The following SOBP variants were observed in gnomAD, a reference collection of about 807,000 sequenced individuals.
SOBP encodes the protein sine oculis binding protein homolog.
A neutral mutation model predicts 53.6 loss-of-function variants in SOBP; 4 were observed. That is an observed-to-expected ratio of 0.07 (90% CI 0.04 to 0.17). SOBP has a LOEUF of 0.17. Ranked by LOEUF, SOBP falls within the 10% of genes least tolerant of loss-of-function variation. The pLI, the probability that SOBP is intolerant of heterozygous loss-of-function variation, is 1.00. For missense variants in SOBP, 1,088 were observed against 1,204.7 expected (o/e 0.90, Z 1.43); for synonymous variants, 584 against 522.6 (o/e 1.12, Z -1.60).
At chr6:107,622,653 A>G (rs895770285) in intron 5 of SOBP, among the ~76,000 whole-genome samples, 4 of 152,186 alleles carry the variant, frequency 2.6e-5, no homozygotes, top group Non-Finnish European at 5.9e-5. Flanking sequence ...AACACAGAGA[A>G]CTAAAATATA....
chr6:107,660,946 A>G lies in SOBP; in HGVS notation c.*2743A>G, dbSNP rs55874191. 4.1e-3 allele frequency among the ~76,000 whole-genome samples: 627 copies of G among 152,220 alleles called. 5 individuals are homozygous for G. Among genetic ancestry groups the G allele is most frequent in the African/African-American group, 0.014 (582 of 41,528 alleles). On this transcript the variant is annotated 3_prime_UTR_variant, in exon 7 of 7. Transcript: ENST00000317357. ...GAATCTTGGAGGCTTCCTGGTGCAG[A>G]GTTATATTTATGGCGGTGACTCCGT...
chr6:107,544,523 T>G (rs1377921974), intron 4 of SOBP, among the ~76,000 whole-genome samples: 1 of 152,192 alleles, frequency 6.6e-6, no homozygotes, highest in Non-Finnish European at 1.5e-5. Flanking sequence ...AGAACCTTTA[T>G]CAGGGTGAGT....
intron 3 of SOBP, chr6:107,510,787 A>G (rs1011462973): frequency 6.6e-6 from 1 of 152,208 alleles, no homozygotes; most frequent in East Asian, 1.9e-4. Flanking sequence ...AAACAAATAA[A>G]GGGTACAGTG....
chr6:107,503,192 C>T (rs74990684), intron 1 of SOBP, among the ~76,000 whole-genome samples: 3,732 of 152,212 alleles, frequency 0.025, 156 homozygotes, highest in African/African-American at 0.082. Context: ...TGGCGTTATC[C>T]GCGATAAGAG....
chr6:107,524,279 G>A (rs1394622518), intron 3 of SOBP, among the ~76,000 whole-genome samples: 1 of 152,166 alleles, frequency 6.6e-6, no homozygotes, highest in Non-Finnish European at 1.5e-5. Flanking sequence ...CGCTTATCAC[G>A]TTCATTTGTG....
chr6:107,615,385 G>A (rs944636703), intron 5 of SOBP, among the ~76,000 whole-genome samples: 9 of 152,138 alleles, frequency 5.9e-5, no homozygotes, highest in South Asian at 2.1e-4. Context: ...ATTTTCTAGG[G>A]ATTATTACTC....
At position 107,622,147 on chromosome 6, in the gene SOBP, T is replaced by A. The variant is rs1770207567; in HGVS notation, c.670-11367T>A. On this transcript the variant is annotated intron_variant, in intron 5 of 6. Coordinates refer to ENST00000317357, the MANE Select transcript of SOBP (RefSeq NM_018013.4). ...TATTTATGCAGCACTTTTTATTTTT[T>A]AGAATGCTTCCATTTGCACTATTTG... Among the ~76,000 whole-genome samples, 2 of 152,236 alleles carry A rather than the reference T, an allele frequency of 1.3e-5. 1 individual carries two copies. Among genetic ancestry groups the A allele is most frequent in the South Asian group, 4.1e-4 (2 of 4,822 alleles).
At chr6:107,529,025 C>T (rs1262514119) in intron 3 of SOBP, among the ~76,000 whole-genome samples, 2 of 152,126 alleles carry the variant, frequency 1.3e-5, no homozygotes, top group African/African-American at 4.8e-5. Context: ...GTGCATTGTG[C>T]GGGCACCTGC....
Position 107,659,729 on chromosome 6 carries a change from A to T in SOBP, c.*1526A>T, listed in dbSNP as rs1227257714. ...AGCCTTGAAGCACCACGGCCCAAGG[A>T]TGCGGTGTACATACTGTATTTCTAG... On this transcript the variant is annotated 3_prime_UTR_variant, in exon 7 of 7. Transcript: ENST00000317357. The T allele has an allele frequency of 6.5e-6, 1 of 152,726 alleles. No homozygotes were observed. Among genetic ancestry groups the T allele is most frequent in the Non-Finnish European group, 1.5e-5 (1 of 68,090 alleles). The allele number at this position is 152,726 out of a possible 1,614,324, so 9.5% of individuals were successfully genotyped here.
At chr6:107,527,110 C>T (rs908191419) in intron 3 of SOBP, among the ~76,000 whole-genome samples, 3 of 152,092 alleles carry the variant, frequency 2.0e-5, no homozygotes, top group Non-Finnish European at 4.4e-5. Context: ...GTTCAGTTAC[C>T]AAAGTGGCAG....
intron 3 of SOBP, among the ~76,000 whole-genome samples, chr6:107,527,493 C>T (rs1481988867): frequency 6.6e-6 from 1 of 152,160 alleles, no homozygotes; most frequent in African/African-American, 2.4e-5. Flanking sequence ...CACTGGGCCT[C>T]TCCAGATTGC....
At chr6:107,601,734 T>C (rs1315616821) in intron 5 of SOBP, among the ~76,000 whole-genome samples, 1 of 152,210 alleles carries the variant, frequency 6.6e-6, no homozygotes, top group Admixed American at 6.5e-5. Flanking sequence ...AGAATAATCA[T>C]ACTTCTTTTT....
chr6:107,569,791 T>C (rs1785020319), intron 4 of SOBP, among the ~76,000 whole-genome samples: 1 of 152,202 alleles, frequency 6.6e-6, no homozygotes, highest in South Asian at 2.1e-4. Context: ...CAGGAGCACA[T>C]GAATAAGTGG....
chr6:107,600,820 G>T (rs1426976196), intron 5 of SOBP, among the ~76,000 whole-genome samples: 1 of 152,170 alleles, frequency 6.6e-6, no homozygotes, highest in Non-Finnish European at 1.5e-5. Flanking sequence ...TAGTCAGCAA[G>T]CTTTTATTGG....
rs927799621 is a variant in SOBP, at chr6:107,587,195, A to C, written c.669+20A>C. The C allele has an allele frequency of 3.1e-6, 5 of 1,588,052 alleles. No individual in the cohort carries two copies. The highest frequency in any genetic ancestry group is 4.3e-6 in the Non-Finnish European group (5 of 1,157,474). ...CTACTTGTAAGAATAACATACTTACAACAAGTCTAGAATGTTACTTTAGCA... is the reference window on the plus strand; with the variant it reads ...CTACTTGTAAGAATAACATACTTACCACAAGTCTAGAATGTTACTTTAGCA... On this transcript the variant is annotated intron_variant, in intron 5 of 6. Transcript: ENST00000317357.
Position 107,528,232 on chromosome 6 carries a change from A to G in SOBP, c.422-5227A>G, listed in dbSNP as rs189392925. On this transcript the variant is annotated intron_variant, in intron 3 of 6. Transcript: ENST00000317357. The stretch of plus-strand genomic sequence containing the variant: ...TTCATAAGAAACATTTAGCCAAAGA[A>G]ATGACCTTCTAGTGGTAGAATTTAA... 2.4e-3 allele frequency among the ~76,000 whole-genome samples: 366 copies of G among 152,338 alleles called. 1 individual carries two copies. The highest frequency in any genetic ancestry group is 8.2e-3 in the African/African-American group (340 of 41,574).
In SOBP at chr6:107,490,254, C is replaced by CCGG. The variant is rs761084632; in HGVS notation, c.-347_-345dup. ...CTCCACGGGGCCCCGAGGATGCGGC[C>CCGG]CGGCGGCGGCGGCGGCGGGAGCGGC... On this transcript the variant is annotated 5_prime_UTR_variant, in exon 1 of 7. Transcript: ENST00000317357. 8.9e-4 allele frequency: 132 copies of CCGG among 148,520 alleles called. No individual in the cohort carries two copies. Among genetic ancestry groups the CCGG allele is most frequent in the East Asian group, 1.4e-3 (7 of 5,074 alleles). 9.2% of individuals were successfully genotyped at this position (148,520 alleles called of 1,614,324 possible).
In SOBP at chr6:107,661,259, C is replaced by G. The variant is rs1258162668; in HGVS notation, c.*3056C>G. ...ACGATCTTACTGCTGTCTGAATGCA[C>G]AATTCTCTTGGGATATCAAAACCAT... On this transcript the variant is annotated 3_prime_UTR_variant, in exon 7 of 7. Transcript: ENST00000317357. Among the ~76,000 whole-genome samples the G allele has an allele frequency of 6.6e-6, 1 of 152,138 alleles. No homozygotes were observed. Among genetic ancestry groups the G allele is most frequent in the Non-Finnish European group, 1.5e-5 (1 of 68,032 alleles).
At chr6:107,599,788 T>C (rs1481136212) in intron 5 of SOBP, among the ~76,000 whole-genome samples, 2 of 152,234 alleles carry the variant, frequency 1.3e-5, no homozygotes, top group Admixed American at 1.3e-4. Flanking sequence ...AATATATCAA[T>C]TAGGCACTTA....
Sources: allele counts gnomAD v4.1 joint callset (sites outside exome capture counted in the v4.1 genomes callset), GRCh38; gene constraint gnomAD v4.1.1; transcripts MANE v1.5; gene names NCBI Gene and HGNC (gene_info 2026-07-23, HGNC 2026-07-21).